Variants in KLF12 observed in about 807,000 individuals in gnomAD.
KLF12 encodes the protein KLF transcription factor 12.
In KLF12, 9 loss-of-function variants were observed where a neutral mutation model predicts 37.8. The observed-to-expected ratio is 0.24, with a 90% CI of 0.14 to 0.42. The LOEUF (loss-of-function observed/expected upper bound fraction) is 0.42, where lower values mean the gene tolerates loss of function less well. Among genes scored for constraint, KLF12 ranks in the 10% least tolerant of loss-of-function variants. The pLI, the probability that KLF12 is intolerant of heterozygous loss-of-function variation, is 1.00. For missense variants in KLF12, 411 were observed against 516.0 expected (o/e 0.80, Z 1.97); for synonymous variants, 208 against 202.1 (o/e 1.03, Z -0.25).
intron 1 of KLF12, among the ~76,000 whole-genome samples, chr13:74,110,816 C>T (rs1378232389): frequency 1.3e-5 from 2 of 152,048 alleles, no homozygotes; most frequent in African/African-American, 2.4e-5. Flanking sequence ...GGTTTGTAAT[C>T]TGCAAATAGG....
chr13:74,259,907 T>C, the KLF12 span: 2 of 152,216 alleles, frequency 1.3e-5, no homozygotes, highest in African/African-American at 4.8e-5. Context: ...TGGTACATAG[T>C]AGGCATTGAT....
At chr13:74,018,678 CAATGAATT>C (rs1373166071) in intron 1 of KLF12, among the ~76,000 whole-genome samples, 2 of 152,088 alleles carry the variant, frequency 1.3e-5, no homozygotes, top group African/African-American at 4.8e-5. Flanking sequence ...TGTTTCTGCA[CAATGAATT>C]ATTCACTAAG....
At chr13:74,029,703 T>G (rs1731481241) in intron 1 of KLF12, among the ~76,000 whole-genome samples, 1 of 152,068 alleles carries the variant, frequency 6.6e-6, no homozygotes, top group South Asian at 2.1e-4. Flanking sequence ...GTCTGGCCCC[T>G]AGAAAGGACC....
chr13:74,163,861 T>G, the KLF12 span, among the ~76,000 whole-genome samples: 2 of 149,748 alleles, frequency 1.3e-5, no homozygotes, highest in African/African-American at 4.9e-5. Context: ...ACACCTACTA[T>G]GTACCCACAA....
At chr13:73,741,420 C>T (rs1390477987) in intron 6 of KLF12, among the ~76,000 whole-genome samples, 1 of 152,182 alleles carries the variant, frequency 6.6e-6, no homozygotes, top group African/African-American at 2.4e-5. Flanking sequence ...GGCTTAGATG[C>T]TGGTTTCCTT....
chr13:74,212,085 G>C, the KLF12 span, among the ~76,000 whole-genome samples: 15 of 152,222 alleles, frequency 9.9e-5, no homozygotes, highest in South Asian at 2.3e-3. Flanking sequence ...AGTGAAGACT[G>C]TACTGGGTTG....
At chr13:73,841,181 A>G (rs1884715337) in intron 4 of KLF12, among the ~76,000 whole-genome samples, 1 of 152,152 alleles carries the variant, frequency 6.6e-6, no homozygotes, top group Admixed American at 6.6e-5. Context: ...TGGTTGGTAT[A>G]AGGTAAATGC....
At chr13:73,710,954 T>A (rs1340612809) in intron 7 of KLF12, among the ~76,000 whole-genome samples, 1 of 152,234 alleles carries the variant, frequency 6.6e-6, no homozygotes, top group Non-Finnish European at 1.5e-5. Context: ...AATTAAAATG[T>A]TATTCCAGTT....
At chr13:73,709,333 C>T (rs1447955753) in intron 7 of KLF12, among the ~76,000 whole-genome samples, 1 of 152,086 alleles carries the variant, frequency 6.6e-6, no homozygotes, top group Non-Finnish European at 1.5e-5. Flanking sequence ...ATACTTACTC[C>T]CCTCCCATAG....
chr13:74,052,088 C>T (rs553786630), intron 1 of KLF12, among the ~76,000 whole-genome samples: 366 of 152,070 alleles, frequency 2.4e-3, no homozygotes, highest in Non-Finnish European at 4.3e-3. Flanking sequence ...GGCTCCAAAA[C>T]CTTCAAGGTG....
chr13:73,904,164 G>A (rs761138969), intron 3 of KLF12, among the ~76,000 whole-genome samples: 7 of 152,114 alleles, frequency 4.6e-5, no homozygotes, highest in South Asian at 2.1e-4. Context: ...ATAGGCAATC[G>A]TGACTTTCAG....
intron 5 of KLF12, among the ~76,000 whole-genome samples, chr13:73,789,080 T>C (rs560598069): frequency 6.6e-6 from 1 of 152,292 alleles, no homozygotes; most frequent in African/African-American, 2.4e-5. Context: ...TTTCCTTTGA[T>C]GAGTTAAGGG....
chr13:74,079,160 C>G (rs1214365809), intron 1 of KLF12, among the ~76,000 whole-genome samples: 2 of 151,992 alleles, frequency 1.3e-5, no homozygotes, highest in Non-Finnish European at 2.9e-5. Context: ...GAAGAAATCA[C>G]TTATATGAGG....
At chr13:73,810,480 G>C (rs1882868570) in intron 5 of KLF12, among the ~76,000 whole-genome samples, 1 of 151,882 alleles carries the variant, frequency 6.6e-6, no homozygotes. Flanking sequence ...ATTTAGGCCA[G>C]GATGCTCTTG....
the KLF12 span, among the ~76,000 whole-genome samples, chr13:74,230,739 T>C: frequency 2.0e-5 from 3 of 152,096 alleles, no homozygotes; most frequent in East Asian, 5.8e-4. Flanking sequence ...TGCACGACTA[T>C]CAAGTGTTTA....
intron 2 of KLF12, among the ~76,000 whole-genome samples, chr13:73,982,464 T>C (rs555692257): frequency 4.6e-5 from 7 of 152,156 alleles, no homozygotes; most frequent in Non-Finnish European, 1.0e-4. Context: ...CAAAGACAAC[T>C]GTCAGAAAGG....
intron 5 of KLF12, chr13:73,800,359 C>T (rs1882220800): frequency 6.6e-6 from 1 of 151,982 alleles, no homozygotes; most frequent in Non-Finnish European, 1.5e-5. Flanking sequence ...TTATGAGAAC[C>T]ACCAGAATCA....
chr13:73,902,501 A>G (rs900744460), intron 3 of KLF12, among the ~76,000 whole-genome samples: 3 of 152,182 alleles, frequency 2.0e-5, no homozygotes, highest in Admixed American at 2.0e-4. Context: ...AAGTTCACAG[A>G]CGTGCTTACT....
At chr13:74,304,394 A>T in the KLF12 span, among the ~76,000 whole-genome samples, 10 of 152,082 alleles carry the variant, frequency 6.6e-5, no homozygotes, top group Non-Finnish European at 8.8e-5. Flanking sequence ...AGAACTTATG[A>T]TGTAGAAAGC....
Sources: gnomAD v4.1 joint callset for allele counts (sites outside exome capture counted in the v4.1 genomes callset) on GRCh38, gnomAD v4.1.1 for gene constraint, MANE v1.5 for transcripts, NCBI Gene and HGNC (gene_info 2026-07-23, HGNC 2026-07-21) for gene names.